Variants in KIF13A observed in about 807,000 individuals in gnomAD.
The protein encoded by KIF13A is kinesin family member 13A, also known as kinesin-like protein KIF13A.
In KIF13A, 79 loss-of-function variants were observed where a neutral mutation model predicts 212.2. The observed-to-expected ratio is 0.37, with a 90% CI of 0.31 to 0.45. The LOEUF is 0.45. Among genes scored for constraint, KIF13A ranks in the 20% least tolerant of loss-of-function variants. The pLI is 1.00. For synonymous variants in KIF13A, 789 were observed against 808.6 expected, an observed-to-expected ratio of 0.98 and a Z score of 0.41; for missense variants, 1,901 against 2,209.0, an observed-to-expected ratio of 0.86 and a Z score of 2.79.
At chr6:17,791,145 A>C (rs1172726818) in intron 25 of KIF13A, among the ~76,000 whole-genome samples, 1 of 151,538 alleles carries the variant, frequency 6.6e-6, no homozygotes, top group African/African-American at 2.4e-5. Flanking sequence ...CACCATTATC[A>C]GTTATATGAC....
In KIF13A at chr6:17,786,454, C is replaced by G. The variant is rs996884144; in HGVS notation, c.3362-813G>C. Among the ~76,000 whole-genome samples the G allele has an allele frequency of 1.6e-4, 25 of 151,934 alleles. No individual in the cohort carries two copies. Among genetic ancestry groups the G allele is most frequent in the Admixed American group, 1.3e-3 (20 of 15,256 alleles). On this transcript the variant is annotated intron_variant, in intron 27 of 38. Coordinates refer to ENST00000259711, the MANE Select transcript of KIF13A (RefSeq NM_022113.6). This position sits in a 1 kb window ranked among gnomAD's most constrained non-coding sequence, Gnocchi z 5.4. The stretch of plus-strand genomic sequence containing the variant: ...TCTCCACTAAAAATACAAAAATTAG[C>G]CAGGCGTGGTGGTGGGCGCCTTGTA...
At chr6:17,790,335 ATGGAGGC>A (rs1761429250) in intron 25 of KIF13A, among the ~76,000 whole-genome samples, 1 of 152,104 alleles carries the variant, frequency 6.6e-6, no homozygotes, top group African/African-American at 2.4e-5. Flanking sequence ...AGCGGAGGAG[ATGGAGGC>A]TGCAGTGAGC....
chr6:17,772,055 A>G lies in KIF13A; in HGVS notation c.4329T>C (p.Cys1443=), dbSNP rs1202633685. ...RDSPRRNKEG[C]TSETPHALTV... is the part of the protein sequence containing the mutation. ...TTAAGGCATGAGGAGTCTCTGATGT[A>G]CAACCTAGGGAAGATGAGAAGTTAT... Residue 1443 remains cysteine (C), a synonymous_variant, in exon 37 of 39, where the codon TGT becomes TGC. Coordinates refer to ENST00000259711, the MANE Select transcript of KIF13A (RefSeq NM_022113.6). The surrounding 1 kb of genome is among the most constrained non-coding windows in gnomAD (Gnocchi z 4.8). 1.2e-6 allele frequency: 2 copies of G among 1,613,756 alleles called. No individual in the cohort carries two copies. The highest frequency in any genetic ancestry group is 1.7e-6 in the Non-Finnish European group (2 of 1,179,782).
chr6:17,976,024 C>G (rs1385117726), intron 2 of KIF13A, among the ~76,000 whole-genome samples: 1 of 152,210 alleles, frequency 6.6e-6, no homozygotes, highest in African/African-American at 2.4e-5. Flanking sequence ...GGTATGTTTA[C>G]AAACCTTGAG....
chr6:17,891,106 G>A (rs945825899), intron 3 of KIF13A, among the ~76,000 whole-genome samples: 1 of 152,118 alleles, frequency 6.6e-6, no homozygotes, highest in Non-Finnish European at 1.5e-5. Flanking sequence ...CTACAGAGAG[G>A]TAAGAAGCAG....
At chr6:17,980,004 C>CAAAGAG (rs1375523094) in intron 2 of KIF13A, among the ~76,000 whole-genome samples, 1 of 151,816 alleles carries the variant, frequency 6.6e-6, no homozygotes, top group East Asian at 1.9e-4. Flanking sequence ...AAACAGAGAA[C>CAAAGAG]AAAGAGAAAG....
Position 17,837,016 on chromosome 6 carries a change from G to C in KIF13A, c.1017C>G (p.Thr339=), listed in dbSNP as rs767869589. ...ISPAADNYEE[T]LSTLRYADRA... ...GGTCTGCATATCTTAATGTGGAGAG[G>C]GTCTCTTCATAGTTGTCTGCGGCTG... The change falls in exon 11 of 39, where the codon ACC becomes ACG. Residue 339 remains threonine (T), a synonymous_variant. Coordinates refer to ENST00000259711, the MANE Select transcript of KIF13A (RefSeq NM_022113.6). The surrounding 1 kb of genome is among the most constrained non-coding windows in gnomAD (Gnocchi z 5.4). The C allele has an allele frequency of 6.2e-7, 1 of 1,613,728 alleles. No individual in the cohort carries two copies. Among genetic ancestry groups the C allele is most frequent in the Admixed American group, 1.7e-5 (1 of 59,982 alleles).
In KIF13A at chr6:17,787,514, G is replaced by A. The variant is rs150582477; in HGVS notation, c.3361+262C>T. 5.9e-3 allele frequency among the ~76,000 whole-genome samples: 891 copies of A among 152,166 alleles called. 12 individuals are homozygous for A. The highest frequency in any genetic ancestry group is 0.02 in the African/African-American group (818 of 41,506). ...AAACATTTAAAAATGAGCCAGGAGT[G>A]GTAGCTTGTGCCTGTGGTCTCAGCT... is the stretch of plus-strand genomic sequence containing the variant. On this transcript the variant is annotated intron_variant, in intron 27 of 38. Transcript: ENST00000259711. This position sits in a 1 kb window ranked among gnomAD's most constrained non-coding sequence, Gnocchi z 4.6.
chr6:17,909,087 T>C (rs1342644630), intron 2 of KIF13A, among the ~76,000 whole-genome samples: 2 of 152,218 alleles, frequency 1.3e-5, no homozygotes, highest in Admixed American at 1.3e-4. Context: ...GCTCAATAAA[T>C]GTTAGATGCC....
chr6:17,780,700 C>T, intron 31 of KIF13A, 30 bp downstream of exon 31: 1 of 1,603,108 alleles, frequency 6.2e-7, no homozygotes, highest in Non-Finnish European at 8.5e-7. Flanking sequence ...AGCTCAGAGC[C>T]AGAATGGCAC....
At chr6:17,779,742 ATT>A (rs377678460) in intron 31 of KIF13A, 58 bp from the exon 32 acceptor site, 3,741 of 457,514 alleles carry the variant, frequency 8.2e-3, no homozygotes, top group Middle Eastern at 0.011. Context: ...GTTATTTTGT[ATT>A]TTTTTTTTTT....
At chr6:17,820,429 G>A (rs778442810) in intron 16 of KIF13A, among the ~76,000 whole-genome samples, 1 of 152,108 alleles carries the variant, frequency 6.6e-6, no homozygotes, top group Non-Finnish European at 1.5e-5. Flanking sequence ...CAACTTTGAT[G>A]ACATTTTCTT....
rs555302951 is a variant in KIF13A, at chr6:17,785,282, G to A, written c.3488+233C>T. Among the ~76,000 whole-genome samples, 1 of 152,330 alleles carries A rather than the reference G, an allele frequency of 6.6e-6. No homozygotes were observed. Among genetic ancestry groups the A allele is most frequent in the Admixed American group, 6.5e-5 (1 of 15,300 alleles). On this transcript the variant is annotated intron_variant, in intron 28 of 38. Transcript: ENST00000259711. This position sits in a 1 kb window ranked among gnomAD's most constrained non-coding sequence, Gnocchi z 5.8. ...GCTTATGCAGAGGAACAGAGGAGTG[G>A]TATGTGATTCCTGGCCAGGTAATCA...
At chr6:17,877,286 T>C (rs1451844548) in intron 3 of KIF13A, among the ~76,000 whole-genome samples, 3 of 152,198 alleles carry the variant, frequency 2.0e-5, no homozygotes, top group Non-Finnish European at 4.4e-5. Flanking sequence ...AAATTCAATT[T>C]TGTTACTTAA....
chr6:17,959,666 C>T (rs897101959), intron 2 of KIF13A, among the ~76,000 whole-genome samples: 1 of 152,212 alleles, frequency 6.6e-6, no homozygotes, highest in African/African-American at 2.4e-5. Flanking sequence ...TAAACCTCCA[C>T]ATTAACCCAA....
chr6:17,773,277 T>G lies in KIF13A; in HGVS notation c.4324+201A>C, dbSNP rs1479905726. On this transcript the variant is annotated intron_variant, in intron 36 of 38. Coordinates refer to ENST00000259711, the MANE Select transcript of KIF13A (RefSeq NM_022113.6). This position sits in a 1 kb window ranked among gnomAD's most constrained non-coding sequence, Gnocchi z 4.2. ...TAATACACAAAAAGTCTATGATTAT[T>G]TGGGTGATATGTTGGATACAAAACA... Among the ~76,000 whole-genome samples the G allele has an allele frequency of 2.6e-5, 4 of 152,226 alleles. No homozygotes were observed. The highest frequency in any genetic ancestry group is 2.1e-4 in the South Asian group (1 of 4,832).
chr6:17,973,798 C>G (rs1027500461), intron 2 of KIF13A, among the ~76,000 whole-genome samples: 1 of 152,188 alleles, frequency 6.6e-6, no homozygotes, highest in Non-Finnish European at 1.5e-5. Context: ...TAGCCCAGAT[C>G]GGAGCCTCTG....
intron 20 of KIF13A, among the ~76,000 whole-genome samples, chr6:17,801,197 T>TA (rs1458028053): frequency 1.3e-5 from 2 of 151,182 alleles, no homozygotes; most frequent in African/African-American, 4.9e-5. Flanking sequence ...GACAGAGAAG[T>TA]AACTCACTAA....
rs1761883919 is a variant in KIF13A, at chr6:17,794,711, A to G, written c.2943-7T>C. 6.2e-7 allele frequency: 1 copy of G among 1,604,208 alleles called. No homozygotes were observed. Among genetic ancestry groups the G allele is most frequent in the Non-Finnish European group, 8.5e-7 (1 of 1,177,698 alleles). Reference sequence around the variant, plus strand: ...TCGCGTTACTTCATTCCACCTGCAGAAACACATTCCAACAAGCAAGAGCGT... The same window carrying G: ...TCGCGTTACTTCATTCCACCTGCAGGAACACATTCCAACAAGCAAGAGCGT... On this transcript the variant is annotated splice_polypyrimidine_tract_variant and splice_region_variant and intron_variant, in intron 23 of 38. Transcript: ENST00000259711. This position sits in a 1 kb window ranked among gnomAD's most constrained non-coding sequence, Gnocchi z 4.1.
Sources: allele counts gnomAD v4.1 joint callset (sites outside exome capture counted in the v4.1 genomes callset), GRCh38; gene constraint gnomAD v4.1.1; non-coding constraint Gnocchi (gnomAD v3.1); transcripts MANE v1.5; gene names NCBI Gene and HGNC (gene_info 2026-07-23, HGNC 2026-07-21).